MCM3AP: variants seen among roughly 807,000 people sequenced by gnomAD.
The protein encoded by MCM3AP is germinal-center associated nuclear protein.
In MCM3AP, 126 loss-of-function variants were observed where a neutral mutation model predicts 184.1. The observed-to-expected ratio is 0.68, with a 90% confidence interval of 0.59 to 0.79. MCM3AP has a LOEUF of 0.79. Among genes scored for constraint, MCM3AP ranks in the 30% least tolerant of loss-of-function variants. The pLI, the probability that MCM3AP is intolerant of heterozygous loss-of-function variation, is 0.00. For synonymous variants in MCM3AP, 1,002 were observed against 979.3 expected (o/e 1.02, Z -0.43); for missense variants, 2,496 against 2,479.2 (o/e 1.01, Z -0.14).
chr21:46,258,137 G>A (rs758751993), intron 16 of MCM3AP, among the ~76,000 whole-genome samples: 9 of 152,170 alleles, frequency 5.9e-5, no homozygotes, highest in Non-Finnish European at 8.8e-5. Context: ...AGAGCCACAA[G>A]AAAGGACAGA....
Position 46,251,643 on chromosome 21 carries a change from A to G in MCM3AP, c.4176T>C (p.Asp1392=), listed in dbSNP as rs762774905. Residue 1392 remains aspartate, a synonymous_variant, in exon 20 of 28, where the codon GAT becomes GAC. Transcript: ENST00000291688. ...ANWLKVKFMG[D]EGSVDDTSSD... is the part of the protein sequence containing the mutation. ...TGGATGTGTCATCCACTGAGCCTTC[A>G]TCTCCCATGAACTTGACTTTTAACC... 6.2e-6 allele frequency: 10 copies of G among 1,608,134 alleles called. No individual in the cohort carries two copies. The highest frequency in any genetic ancestry group is 1.3e-5 in the African/African-American group (1 of 75,000).
intron 9 of MCM3AP, chr21:46,267,803 GGGA>G (rs1399370248): frequency 6.6e-6 from 1 of 152,430 alleles, no homozygotes; most frequent in Non-Finnish European, 1.5e-5. Context: ...AGGCTAAAGT[GGGA>G]GGACTGCTTG....
intron 24 of MCM3AP, 134 bp from the exon 25 acceptor site, chr21:46,243,065 A>G: frequency 1.2e-6 from 1 of 814,410 alleles, no homozygotes. Context: ...ATGTGCTTAA[A>G]TTCACTGATT....
At chr21:46,262,230 A>C (rs1373362979) in intron 13 of MCM3AP, among the ~76,000 whole-genome samples, 2 of 152,252 alleles carry the variant, frequency 1.3e-5, no homozygotes, top group Admixed American at 6.5e-5. Context: ...AACACTAACG[A>C]AAAACTAACC....
At chr21:46,265,894 G>A in intron 11 of MCM3AP, 31 bp downstream of exon 11, 1 of 1,517,784 alleles carries the variant, frequency 6.6e-7, no homozygotes, top group Non-Finnish European at 8.9e-7. Context: ...AATGCAGCTA[G>A]TCCCCTCACT....
chr21:46,272,398 CA>C (rs1170447062), intron 8 of MCM3AP, among the ~76,000 whole-genome samples, 162 bp downstream of exon 8: 1 of 152,226 alleles, frequency 6.6e-6, no homozygotes, highest in African/African-American at 2.4e-5. Context: ...CAGCTCAGCT[CA>C]GCCGACTGCA....
chr21:46,278,414 G>C (rs2081281728), intron 4 of MCM3AP, among the ~76,000 whole-genome samples: 2 of 152,074 alleles, frequency 1.3e-5, no homozygotes, highest in Non-Finnish European at 2.9e-5. Context: ...TGTCAAACCA[G>C]CAACTAAACT....
At chr21:46,273,284 A>C in intron 7 of MCM3AP, 104 bp downstream of exon 7, 1 of 1,157,432 alleles carries the variant, frequency 8.6e-7, no homozygotes, top group Non-Finnish European at 1.2e-6. Context: ...CCACAAAAGT[A>C]CATTTTTGTT....
chr21:46,283,562 A>C, intron 2 of MCM3AP, 53 bp downstream of exon 2: 1 of 1,305,346 alleles, frequency 7.7e-7, no homozygotes, highest in Non-Finnish European at 1.1e-6. Context: ...AACAGGTTTT[A>C]AAGTGACAAG....
chr21:46,251,237 C>T (rs17176772), intron 20 of MCM3AP: 39 of 227,728 alleles, frequency 1.7e-4, no homozygotes, highest in African/African-American at 8.5e-4. Flanking sequence ...TTTTACATTT[C>T]CTCATTTTTT....
chr21:46,261,468 C>T, intron 13 of MCM3AP, 57 bp from the exon 14 acceptor site: 1 of 1,557,508 alleles, frequency 6.4e-7, no homozygotes, highest in Non-Finnish European at 8.8e-7. Flanking sequence ...GGTGCGGTGG[C>T]TCACGCCTGT....
intron 7 of MCM3AP, among the ~76,000 whole-genome samples, 169 bp downstream of exon 7, chr21:46,273,219 C>T (rs2081205919): frequency 2.0e-5 from 3 of 152,222 alleles, no homozygotes; most frequent in African/African-American, 7.2e-5. Context: ...AGGTGATCCA[C>T]CCACCTCGGC....
intron 4 of MCM3AP, among the ~76,000 whole-genome samples, chr21:46,278,527 G>C (rs1223517905): frequency 6.6e-6 from 1 of 152,202 alleles, no homozygotes; most frequent in Non-Finnish European, 1.5e-5. Flanking sequence ...AAAAGCAAAA[G>C]CCTTTGAGAA....
intron 22 of MCM3AP, 51 bp downstream of exon 22, chr21:46,246,256 G>T: frequency 8.6e-7 from 1 of 1,161,408 alleles, no homozygotes; most frequent in Non-Finnish European, 1.3e-6. Flanking sequence ...TACAGCAAAA[G>T]GGGAAAAAAC....
At chr21:46,269,611 G>A (rs1346767491) in intron 9 of MCM3AP, among the ~76,000 whole-genome samples, 1 of 152,182 alleles carries the variant, frequency 6.6e-6, no homozygotes, top group Non-Finnish European at 1.5e-5. Context: ...TGGAGCCACA[G>A]ATCAACCAAG....
intron 4 of MCM3AP, 96 bp downstream of exon 4, chr21:46,279,897 C>T: frequency 7.8e-7 from 1 of 1,285,650 alleles, no homozygotes; most frequent in Non-Finnish European, 1.1e-6. Flanking sequence ...GTCTCCTCAC[C>T]ACTCCCCACA....
At position 46,267,157 on chromosome 21, in the gene MCM3AP, G is replaced by A. The variant is rs372767340; in HGVS notation, c.2629-15C>T. The A allele has an allele frequency of 2.0e-5, 33 of 1,610,926 alleles. No homozygotes were observed. The highest frequency in any genetic ancestry group is 5.5e-5 in the South Asian group (5 of 90,476). ...TCCTTGCGGATCTGAGAGGAGGAGC[G>A]AAATCACTGCAGTCTCAGACGAAGG... On this transcript the variant is annotated splice_polypyrimidine_tract_variant and intron_variant, in intron 9 of 27. Transcript: ENST00000291688.
At position 46,261,426 on chromosome 21, in the gene MCM3AP, G is replaced by A. The variant is rs777833516; in HGVS notation, c.3336-15C>T. ...CATTAGAAACACTAAACGGAGCAAA[G>A]GGGATAGCATTCAAAATCAGAGTCA... On this transcript the variant is annotated splice_polypyrimidine_tract_variant and intron_variant, in intron 13 of 27. Coordinates refer to ENST00000291688, the MANE Select transcript of MCM3AP (RefSeq NM_003906.5). 25 of 1,612,774 alleles carry A rather than the reference G, an allele frequency of 1.6e-5. No individual in the cohort carries two copies. The highest frequency in any genetic ancestry group is 5.0e-5 in the Admixed American group (3 of 59,974).
chr21:46,275,209 C>T lies in MCM3AP; in HGVS notation c.1975G>A (p.Glu659Lys), dbSNP rs762882197. The T allele has an allele frequency of 6.2e-7, 1 of 1,613,872 alleles. No homozygotes were observed. ...RETRSQLSVF[E>K]VVPGTDQVDH... ...ACCTGGTCAGTCCCTGGGACCACTT[C>T]GAACACGCTCAGCTGGCTACGGGTC... Residue 659 changes from glutamate (E) to lysine (K), a missense_variant, in exon 6 of 28, where the codon GAA (glutamate) becomes AAA (lysine). This residue lies in a region of MCM3AP where 130 missense variants were observed against 199.8 expected (regional missense o/e 0.65). Coordinates refer to ENST00000291688, the MANE Select transcript of MCM3AP (RefSeq NM_003906.5).
Sources: allele counts gnomAD v4.1 joint callset (sites outside exome capture counted in the v4.1 genomes callset), GRCh38; gene constraint gnomAD v4.1.1; regional missense constraint gnomAD v4.1.1; transcripts MANE v1.5; gene names NCBI Gene and HGNC (gene_info 2026-07-23, HGNC 2026-07-21).